Variants in HHAT observed in about 807,000 individuals in gnomAD.
HHAT encodes the protein hedgehog acyltransferase.
Under a neutral mutation model 70.8 loss-of-function variants are expected in HHAT, and 47 were observed. The ratio of observed to expected loss-of-function variants is 0.66; its 90% CI spans 0.53 to 0.85. The LOEUF (loss-of-function observed/expected upper bound fraction) is 0.85, where lower values mean the gene tolerates loss of function less well. Ranked by LOEUF, HHAT falls within the 40% of genes least tolerant of loss-of-function variation. The pLI is 0.00. For missense variants in HHAT, 609 were observed against 604.8 expected (o/e 1.01, Z -0.07); for synonymous variants, 228 against 247.6 (o/e 0.92, Z 0.74).
Position 210,365,309 on chromosome 1 carries a change from G to GTTTTTTTTTTTT in HHAT, c.159+2404_159+2415dup, listed in dbSNP as rs4027290. ...TTGGTAAACCTCAGTACTGCTGACA[G>GTTTTTTTTTTTT]TTTTTTTTTTTTTTTTTTTTTTTTT... On this transcript the variant is annotated intron_variant, in intron 3 of 11. Transcript: ENST00000261458. Among the ~76,000 whole-genome samples, 13 of 78,404 alleles carry GTTTTTTTTTTTT rather than the reference G, an allele frequency of 1.7e-4. 1 individual carries two copies. The highest frequency in any genetic ancestry group is 3.7e-4 in the African/African-American group (7 of 19,146). 51.4% of individuals were successfully genotyped at this position (78,404 alleles called of 152,430 possible). A position where few individuals can be genotyped will look rare whatever the true frequency, so the allele number is the denominator to read the frequency against.
Position 210,386,254 on chromosome 1 carries a change from T to C in HHAT, c.160-1214T>C, listed in dbSNP as rs1209292205. Among the ~76,000 whole-genome samples, 51 of 114,474 alleles carry C rather than the reference T, an allele frequency of 4.5e-4. 1 individual carries two copies. Among genetic ancestry groups the C allele is most frequent in the African/African-American group, 1.8e-3 (47 of 26,774 alleles). 75.1% of individuals were successfully genotyped at this position (114,474 alleles called of 152,430 possible). On this transcript the variant is annotated intron_variant, in intron 3 of 11. Coordinates refer to ENST00000261458, the MANE Select transcript of HHAT (RefSeq NM_018194.6). ...TCTTTTTTTTTTTTTTTTTTTTTTTTTTGAGACAGAGTCTCGCTCTGTCGC... is the reference window on the plus strand; with the variant it reads ...TCTTTTTTTTTTTTTTTTTTTTTTTCTTGAGACAGAGTCTCGCTCTGTCGC...
chr1:210,344,222 G>A (rs987875264), intron 1 of HHAT, among the ~76,000 whole-genome samples: 3 of 152,152 alleles, frequency 2.0e-5, no homozygotes, highest in African/African-American at 7.2e-5. Flanking sequence ...TAGTTACTAT[G>A]TATCTCTGTG....
In HHAT at chr1:210,400,799, G is replaced by T. The variant is rs191014071; in HGVS notation, c.468+137G>T. 95 of 750,542 alleles carry T rather than the reference G, an allele frequency of 1.3e-4. No homozygotes were observed. In the African/African-American group the frequency reaches 1.6e-3, roughly 12 times the overall value. 46.5% of individuals were successfully genotyped at this position (750,542 alleles called of 1,614,324 possible). On this transcript the variant is annotated intron_variant, in intron 5 of 11. Transcript: ENST00000261458. ...GGGCTCCCCATAGTGGCCGTACAGG[G>T]TTGCTACAAGTGAACCCTAGTGGTG... is the stretch of plus-strand genomic sequence containing the variant.
intron 8 of HHAT, among the ~76,000 whole-genome samples, chr1:210,510,618 C>G (rs931008444): frequency 2.0e-5 from 3 of 152,100 alleles, no homozygotes; most frequent in Admixed American, 6.6e-5. Flanking sequence ...CAGTGAGAAC[C>G]CTGCTTTTAG....
intron 3 of HHAT, among the ~76,000 whole-genome samples, chr1:210,385,113 T>C (rs2090939063): frequency 6.7e-6 from 1 of 149,584 alleles, no homozygotes; most frequent in African/African-American, 2.4e-5. Flanking sequence ...TTATATGTTT[T>C]GTTGTATTAT....
intron 11 of HHAT, among the ~76,000 whole-genome samples, chr1:210,652,218 GA>G (rs895680722): frequency 1.3e-5 from 2 of 152,128 alleles, no homozygotes; most frequent in African/African-American, 4.8e-5. Context: ...AGGAATAAAG[GA>G]AGGAAGGAAA....
At chr1:210,339,917 T>A (rs993374711) in intron 1 of HHAT, among the ~76,000 whole-genome samples, 11 of 152,206 alleles carry the variant, frequency 7.2e-5, no homozygotes, top group African/African-American at 9.6e-5. Flanking sequence ...GTAATTAGAC[T>A]TTTTTCCCCA....
chr1:210,574,425 A>G (rs1030524808), intron 9 of HHAT, among the ~76,000 whole-genome samples: 57 of 152,222 alleles, frequency 3.7e-4, no homozygotes, highest in African/African-American at 1.4e-3. Flanking sequence ...AATGACGTAG[A>G]AGAAGCCAAA....
chr1:210,397,637 C>G (rs545855555), intron 4 of HHAT, among the ~76,000 whole-genome samples: 84 of 151,402 alleles, frequency 5.5e-4, no homozygotes, highest in Non-Finnish European at 1.1e-3. Flanking sequence ...AGCATTTTTA[C>G]TTAAGAGAGA....
intron 8 of HHAT, among the ~76,000 whole-genome samples, chr1:210,472,556 A>C (rs911222509): frequency 6.6e-6 from 1 of 152,204 alleles, no homozygotes; most frequent in Non-Finnish European, 1.5e-5. Flanking sequence ...TGGCTTACAT[A>C]CTGACCCCTA....
chr1:210,579,297 T>C (rs1658651104), intron 9 of HHAT, among the ~76,000 whole-genome samples: 1 of 151,982 alleles, frequency 6.6e-6, no homozygotes, highest in Non-Finnish European at 1.5e-5. Flanking sequence ...GGTTAAAAAA[T>C]AGTCAAACTC....
At chr1:210,553,860 G>A (rs1346516586) in intron 9 of HHAT, among the ~76,000 whole-genome samples, 2 of 152,128 alleles carry the variant, frequency 1.3e-5, no homozygotes, top group Non-Finnish European at 2.9e-5. Flanking sequence ...CACCCCGAGT[G>A]TATCCACTTC....
intron 7 of HHAT, among the ~76,000 whole-genome samples, chr1:210,431,196 G>T (rs2093232147): frequency 6.6e-6 from 1 of 151,756 alleles, no homozygotes; most frequent in African/African-American, 2.4e-5. Flanking sequence ...TCTGGCTTGG[G>T]GTTTTGAGGG....
In HHAT at chr1:210,674,685, C is replaced by G. The variant is rs1680854588; in HGVS notation, c.*306C>G. On this transcript the variant is annotated 3_prime_UTR_variant, in exon 12 of 12. Transcript: ENST00000261458. The stretch of plus-strand genomic sequence containing the variant: ...TTGGTCTAGAACCTAGTCTCATGAG[C>G]CCTTTGCATTCTTTCCCCTTAAGCA... 3.5e-6 allele frequency: 1 copy of G among 286,884 alleles called. No individual in the cohort carries two copies. Among genetic ancestry groups the G allele is most frequent in the African/African-American group, 2.2e-5 (1 of 46,148 alleles). 17.8% of individuals were successfully genotyped at this position (286,884 alleles called of 1,614,324 possible).
At position 210,391,877 on chromosome 1, in the gene HHAT, TC is replaced by T. The variant is rs958592718; in HGVS notation, c.273+4302del. On this transcript the variant is annotated intron_variant, in intron 4 of 11. Transcript: ENST00000261458. ...CCACCAGTGCTATGTGATTTTTTTTTCCCCCCTTTACAGACAGGATCTCATT... is the reference window on the plus strand; with the variant it reads ...CCACCAGTGCTATGTGATTTTTTTTTCCCCCTTTACAGACAGGATCTCATT... Among the ~76,000 whole-genome samples, 18 of 152,098 alleles carry T rather than the reference TC, an allele frequency of 1.2e-4. No homozygotes were observed. In the South Asian group the frequency reaches 1.2e-3, roughly 11 times the overall value.
chr1:210,587,902 G>A lies in HHAT; in HGVS notation c.1048G>A (p.Val350Met). ...VGLHNFLIRY[V>M]YIPVGGSQHG... ...AACAGCCTCTTCTTTCTCTAGGTAT[G>A]TGTACATTCCAGTGGGCGGGTCCCA... The change falls in exon 10 of 12, where the codon GTG (valine) becomes ATG (methionine). Residue 350 changes from valine (V) to methionine (M), a missense_variant. Transcript: ENST00000261458. The A allele has an allele frequency of 1.2e-6, 2 of 1,613,598 alleles. No homozygotes were observed. Among genetic ancestry groups the A allele is most frequent in the Admixed American group, 1.7e-5 (1 of 60,022 alleles).
intron 8 of HHAT, among the ~76,000 whole-genome samples, chr1:210,465,387 A>T (rs769607710): frequency 6.6e-6 from 1 of 152,164 alleles, no homozygotes; most frequent in East Asian, 1.9e-4. Context: ...TGTTCCTCTT[A>T]TCGCTTCCAG....
chr1:210,569,733 C>T (rs1655764982), intron 9 of HHAT, among the ~76,000 whole-genome samples: 1 of 152,160 alleles, frequency 6.6e-6, no homozygotes, highest in South Asian at 2.1e-4. Flanking sequence ...GTGGCTTTCT[C>T]TATGCACCTG....
chr1:210,531,705 A>G (rs771311461), intron 9 of HHAT, among the ~76,000 whole-genome samples: 1 of 152,218 alleles, frequency 6.6e-6, no homozygotes, highest in Non-Finnish European at 1.5e-5. Context: ...TTCAAGGCTA[A>G]GGAGAGAAAA....
Sources: allele counts gnomAD v4.1 joint callset (sites outside exome capture counted in the v4.1 genomes callset), GRCh38; gene constraint gnomAD v4.1.1; transcripts MANE v1.5; gene names NCBI Gene and HGNC (gene_info 2026-07-23, HGNC 2026-07-21).